FUT8: variants seen among roughly 807,000 people sequenced by gnomAD.
FUT8 encodes fucosyltransferase 8.
FUT8 carries 29 observed loss-of-function variants against 71.3 expected under a neutral mutation model. That is an observed-to-expected ratio of 0.41 (90% confidence interval 0.30 to 0.55). FUT8 has a LOEUF of 0.55. Ranked by LOEUF, FUT8 falls within the 20% of genes least tolerant of loss-of-function variation. FUT8 has a pLI of 0.34. For synonymous variants in FUT8, 254 were observed against 239.3 expected, an observed-to-expected ratio of 1.06 and a Z score of -0.57; for missense variants, 544 against 702.1, an observed-to-expected ratio of 0.77 and a Z score of 2.55.
chr14:65,475,807 G>T (rs559766421), intron 2 of FUT8, among the ~76,000 whole-genome samples: 1 of 152,128 alleles, frequency 6.6e-6, no homozygotes, highest in East Asian at 1.9e-4. Context: ...GTAAGGATGG[G>T]ATTTCTAGGC....
chr14:65,655,433 G>A (rs1378518554), intron 6 of FUT8, among the ~76,000 whole-genome samples: 3 of 147,726 alleles, frequency 2.0e-5, no homozygotes, highest in African/African-American at 5.0e-5. Flanking sequence ...CCGAGATCAC[G>A]CCGCTGCACT....
At chr14:65,688,333 G>A (rs1407045648) in intron 7 of FUT8, among the ~76,000 whole-genome samples, 1 of 151,444 alleles carries the variant, frequency 6.6e-6, no homozygotes, top group Admixed American at 6.6e-5. Context: ...CATATAGTTG[G>A]AATCATACAT....
At chr14:65,508,102 C>G (rs1179272260) in intron 2 of FUT8, among the ~76,000 whole-genome samples, 1 of 40,066 alleles carries the variant, frequency 2.5e-5, no homozygotes, top group Non-Finnish European at 5.5e-5. Context: ...GAGTCTTGCT[C>G]TGTTGGCCAG....
rs1214315535 is a variant in FUT8 at position 65,611,222 on chromosome 14, C to T, written c.204-4756C>T. 2.0e-3 allele frequency among the ~76,000 whole-genome samples: 12 copies of T among 6,072 alleles called. 2 individuals carry two copies. The highest frequency in any genetic ancestry group is 9.0e-3 in the Admixed American group (2 of 222). 4.0% of individuals were successfully genotyped at this position (6,072 alleles called of 152,430 possible). On this transcript the variant is annotated intron_variant, in intron 3 of 10. Transcript: ENST00000673929. The stretch of plus-strand genomic sequence containing the variant: ...ACGCGCGCGCGCGCGCGCGCGCGCG[C>T]GCACACACACACACACACACACACA...
chr14:65,405,833 A>C (rs1448603501), upstream of FUT8, among the ~76,000 whole-genome samples: 1 of 152,226 alleles, frequency 6.6e-6, no homozygotes, highest in Non-Finnish European at 1.5e-5. Context: ...CCCAGATTTT[A>C]TATCTAGGTG....
the FUT8 span, among the ~76,000 whole-genome samples, chr14:65,372,026 C>T: frequency 6.6e-6 from 1 of 152,264 alleles, no homozygotes; most frequent in East Asian, 1.9e-4. Flanking sequence ...TCACAGAGCA[C>T]ATCTTCATTT....
rs398025445 is a variant in FUT8 at position 65,474,441 on chromosome 14, G to GAAA, written c.-228+18737_-228+18739dup. Among the ~76,000 whole-genome samples the GAAA allele has an allele frequency of 4.1e-3, 164 of 39,692 alleles. 34 individuals carry two copies. The highest frequency in any genetic ancestry group is 0.012 in the African/African-American group (118 of 9,754). The allele number at this position is 39,692 out of a possible 152,430, so 26.0% of individuals were successfully genotyped here. ...AACATGGTGAAAACCTGTCTCTACT[G>GAAA]AAAAAAAAAAAAAAAAGCCAGGCGT... is the stretch of plus-strand genomic sequence containing the variant. On this transcript the variant is annotated intron_variant, in intron 2 of 10. Transcript: ENST00000673929.
At chr14:65,394,388 T>C in the FUT8 span, among the ~76,000 whole-genome samples, 1 of 152,236 alleles carries the variant, frequency 6.6e-6, no homozygotes, top group Non-Finnish European at 1.5e-5. Context: ...ATGGGAATTA[T>C]GGGAGCTACA....
At chr14:65,695,426 TA>T (rs1893942523) in intron 7 of FUT8, among the ~76,000 whole-genome samples, 1 of 152,238 alleles carries the variant, frequency 6.6e-6, no homozygotes, top group South Asian at 2.1e-4. Flanking sequence ...CTATTGCTGA[TA>T]ATTTTTTTGT....
At chr14:65,460,958 A>C (rs1176715751) in intron 2 of FUT8, among the ~76,000 whole-genome samples, 5 of 152,230 alleles carry the variant, frequency 3.3e-5, no homozygotes, top group African/African-American at 1.2e-4. Flanking sequence ...ATGCTAATTA[A>C]GACAGTGGAC....
chr14:65,468,293 G>A (rs1043341284), intron 2 of FUT8: 1 of 619,048 alleles, frequency 1.6e-6, no homozygotes, highest in African/African-American at 1.8e-5. Context: ...TTACTAAAAG[G>A]CCTAGAGAAC....
Position 65,489,577 on chromosome 14 carries a change from T to G in FUT8, c.-228+33859T>G, listed in dbSNP as rs1479176695. Among the ~76,000 whole-genome samples the G allele has an allele frequency of 6.6e-6, 1 of 152,152 alleles. No homozygotes were observed. Among genetic ancestry groups the G allele is most frequent in the Non-Finnish European group, 1.5e-5 (1 of 67,996 alleles). ...TTGTGATTAAAAAAATAGTTCCCTA[T>G]TTGAATAATTGTCCAGGAAATTAGC... On this transcript the variant is annotated intron_variant, in intron 2 of 10. Transcript: ENST00000673929. The surrounding 1 kb of genome is among the most constrained non-coding windows in gnomAD (Gnocchi z 4.0).
At chr14:65,553,752 T>G (rs964323550) in intron 2 of FUT8, among the ~76,000 whole-genome samples, 1 of 151,976 alleles carries the variant, frequency 6.6e-6, no homozygotes, top group African/African-American at 2.4e-5. Context: ...GCTCCATTGT[T>G]TTTTGACTGG....
chr14:65,566,109 TG>T (rs1235399214), intron 3 of FUT8, among the ~76,000 whole-genome samples: 1 of 151,948 alleles, frequency 6.6e-6, no homozygotes, highest in East Asian at 1.9e-4. Flanking sequence ...TGGTTATGGT[TG>T]GGCAGTCCAA....
At chr14:65,474,454 A>AAAAAAAAAAAAAAAAAAAAAAAAAAAAC in intron 2 of FUT8, among the ~76,000 whole-genome samples, 1 of 147,602 alleles carries the variant, frequency 6.8e-6, no homozygotes, top group Non-Finnish European at 1.5e-5. Flanking sequence ...AAAAAAAAAA[A>AAAAAAAAAAAAAAAAAAAAAAAAAAAAC]AAAGCCAGGC....
At chr14:65,443,187 G>A (rs1310170393) in intron 1 of FUT8, among the ~76,000 whole-genome samples, 1 of 152,118 alleles carries the variant, frequency 6.6e-6, no homozygotes, top group African/African-American at 2.4e-5. Flanking sequence ...GAGATGGGTG[G>A]ATCACGAGGT....
At chr14:65,373,394 G>T in the FUT8 span, among the ~76,000 whole-genome samples, 5 of 151,636 alleles carry the variant, frequency 3.3e-5, no homozygotes, top group South Asian at 1.0e-3. Context: ...GCAGCAGAGT[G>T]GCACGGCAGA....
chr14:65,583,339 G>A (rs1037795355), intron 3 of FUT8, among the ~76,000 whole-genome samples: 2 of 152,036 alleles, frequency 1.3e-5, no homozygotes, highest in Non-Finnish European at 2.9e-5. Context: ...ATGCCATCAG[G>A]CCTGGCAAAT....
chr14:65,419,330 A>G (rs888349693), intron 1 of FUT8, among the ~76,000 whole-genome samples: 2 of 152,226 alleles, frequency 1.3e-5, no homozygotes, highest in African/African-American at 4.8e-5. Flanking sequence ...TGTAATGTAA[A>G]AAAAAAAACT....
Sources: gnomAD v4.1 joint callset for allele counts (sites outside exome capture counted in the v4.1 genomes callset) on GRCh38, gnomAD v4.1.1 for gene constraint, Gnocchi (gnomAD v3.1) non-coding constraint, MANE v1.5 for transcripts, NCBI Gene and HGNC (gene_info 2026-07-23, HGNC 2026-07-21) for gene names.